Variants in DGKI observed in about 807,000 individuals in gnomAD.
DGKI encodes DAG kinase iota.
Under a neutral mutation model 147.5 loss-of-function variants are expected in DGKI, and 55 were observed. The ratio of observed to expected loss-of-function variants is 0.37; its 90% CI spans 0.30 to 0.47. The LOEUF is 0.47. DGKI is among the 20% of genes least tolerant of loss of function. The pLI is 1.00. For synonymous variants in DGKI, 469 were observed against 477.1 expected (o/e 0.98, Z 0.22); for missense variants, 1,007 against 1,323.8 (o/e 0.76, Z 3.71).
intron 27 of DGKI, among the ~76,000 whole-genome samples, chr7:137,461,019 C>A (rs1389354642): frequency 6.6e-6 from 1 of 152,146 alleles, no homozygotes; most frequent in Non-Finnish European, 1.5e-5. Context: ...TAATTCTCAG[C>A]CATATTTACT....
intron 12 of DGKI, among the ~76,000 whole-genome samples, chr7:137,594,589 T>C (rs1001972844): frequency 6.6e-6 from 1 of 152,196 alleles, no homozygotes. Context: ...TGCCAGCTTC[T>C]ACAGTGACAG....
Position 137,696,461 on chromosome 7 carries a change from T to TTTTTTTG in DGKI, c.402-6460_402-6459insCAAAAAA, listed in dbSNP as rs1554459920. Among the ~76,000 whole-genome samples the TTTTTTTG allele has an allele frequency of 1.5e-4, 16 of 109,144 alleles. 2 individuals are homozygous for TTTTTTTG. Among genetic ancestry groups the TTTTTTTG allele is most frequent in the East Asian group, 1.3e-3 (4 of 2,992 alleles). 71.6% of individuals were successfully genotyped at this position (109,144 alleles called of 152,430 possible). ...TTTTTTTTTTTTTTTTTTTTTTTTT[T>TTTTTTTG]TTGCTTAATGTGTAAAAATGGCCTG... On this transcript the variant is annotated intron_variant, in intron 1 of 32. Coordinates refer to ENST00000614521, the MANE Select transcript of DGKI (RefSeq NM_001321708.2).
At chr7:137,609,462 C>T in intron 9 of DGKI, 73 bp downstream of exon 9, 1 of 1,167,200 alleles carries the variant, frequency 8.6e-7, no homozygotes. Flanking sequence ...CAACTTGGAC[C>T]AGATCTCATA....
chr7:137,611,769 C>T (rs1820371717), intron 8 of DGKI, among the ~76,000 whole-genome samples: 1 of 152,076 alleles, frequency 6.6e-6, no homozygotes, highest in African/African-American at 2.4e-5. Context: ...TCCCCAACAC[C>T]GAGCACAAAT....
intron 28 of DGKI, among the ~76,000 whole-genome samples, chr7:137,415,786 C>G (rs1420629592): frequency 6.6e-6 from 1 of 151,990 alleles, no homozygotes; most frequent in African/African-American, 2.4e-5. Flanking sequence ...TCAAGACCAG[C>G]CTGGCCAAGA....
intron 27 of DGKI, among the ~76,000 whole-genome samples, chr7:137,459,082 G>A (rs1814317854): frequency 6.6e-6 from 1 of 152,178 alleles, no homozygotes; most frequent in Non-Finnish European, 1.5e-5. Context: ...AAGTAGGTAT[G>A]TGTATATCTT....
chr7:137,687,677 C>T (rs2116442763), intron 2 of DGKI, among the ~76,000 whole-genome samples: 1 of 152,262 alleles, frequency 6.6e-6, no homozygotes, highest in East Asian at 1.9e-4. Context: ...TTTCTGTTTG[C>T]TGACACCAAA....
chr7:137,700,416 A>G (rs1314275420), intron 1 of DGKI, among the ~76,000 whole-genome samples: 1 of 152,214 alleles, frequency 6.6e-6, no homozygotes, highest in Admixed American at 6.5e-5. Context: ...AGTAGTATCA[A>G]AAAATTTAAA....
chr7:137,785,093 C>A (rs1305495211), intron 1 of DGKI, among the ~76,000 whole-genome samples: 1 of 151,462 alleles, frequency 6.6e-6, no homozygotes, highest in Admixed American at 6.6e-5. Context: ...AAACTCAAAC[C>A]AAGCAGAAGA....
intron 19 of DGKI, among the ~76,000 whole-genome samples, chr7:137,563,866 C>A (rs10273321): frequency 0.058 from 8,821 of 152,056 alleles, 626 homozygotes; most frequent in African/African-American, 0.17. Context: ...CAATTCCTCC[C>A]CAAATTATCT....
At chr7:137,641,711 T>A (rs914235771) in intron 6 of DGKI, among the ~76,000 whole-genome samples, 1 of 152,238 alleles carries the variant, frequency 6.6e-6, no homozygotes, top group Non-Finnish European at 1.5e-5. Flanking sequence ...GGATATTCAA[T>A]GTGTATACTG....
chr7:137,414,701 C>T (rs1812293561), intron 28 of DGKI, among the ~76,000 whole-genome samples: 1 of 152,156 alleles, frequency 6.6e-6, no homozygotes, highest in South Asian at 2.1e-4. Flanking sequence ...CCATTGAGTT[C>T]ATCATGCACA....
chr7:137,725,824 T>C (rs779201142), intron 1 of DGKI, among the ~76,000 whole-genome samples: 45 of 152,160 alleles, frequency 3.0e-4, no homozygotes, highest in Admixed American at 2.5e-3. Context: ...ATTTCTCTCC[T>C]AGCCTAACTC....
intron 20 of DGKI, among the ~76,000 whole-genome samples, chr7:137,545,508 C>T (rs145600166): frequency 1.4e-4 from 22 of 152,256 alleles, no homozygotes; most frequent in African/African-American, 4.6e-4. Context: ...CAAAACTCCA[C>T]GCATAATCTT....
intron 5 of DGKI, among the ~76,000 whole-genome samples, chr7:137,653,832 A>T (rs939554058): frequency 6.6e-6 from 1 of 152,172 alleles, no homozygotes; most frequent in African/African-American, 2.4e-5. Flanking sequence ...TAAGGAGGAT[A>T]CCGTATAAGA....
chr7:137,658,850 C>A (rs1304744604), intron 3 of DGKI, among the ~76,000 whole-genome samples: 1 of 152,202 alleles, frequency 6.6e-6, no homozygotes, highest in East Asian at 1.9e-4. Flanking sequence ...TCTGGAACGT[C>A]ATGTAAATGC....
intron 28 of DGKI, among the ~76,000 whole-genome samples, chr7:137,428,627 T>C (rs1020121421): frequency 3.9e-5 from 6 of 152,158 alleles, no homozygotes; most frequent in South Asian, 4.2e-4. Flanking sequence ...TTTTTGCAGA[T>C]GACATGATTG....
chr7:137,651,515 G>A (rs955826976), intron 5 of DGKI, among the ~76,000 whole-genome samples: 4 of 152,118 alleles, frequency 2.6e-5, no homozygotes, highest in Non-Finnish European at 5.9e-5. Flanking sequence ...ATAGTCTAGT[G>A]TTTGATGTAT....
At chr7:137,823,752 C>A (rs1452193555) in intron 1 of DGKI, among the ~76,000 whole-genome samples, 4 of 152,106 alleles carry the variant, frequency 2.6e-5, no homozygotes, top group Admixed American at 1.3e-4. Flanking sequence ...ATGGAAGGAA[C>A]CAGAAGGGCT....
Sources: gnomAD v4.1 joint callset for allele counts (sites outside exome capture counted in the v4.1 genomes callset) on GRCh38, gnomAD v4.1.1 for gene constraint, MANE v1.5 for transcripts, NCBI Gene and HGNC (gene_info 2026-07-23, HGNC 2026-07-21) for gene names.